Variants in MESP1 observed in about 807,000 individuals in gnomAD.
MESP1 encodes mesoderm posterior protein 1.
A neutral mutation model predicts 15.2 loss-of-function variants in MESP1; 22 were observed. The ratio of observed to expected loss-of-function variants is 1.45; its 90% CI spans 1.04 to 2.07. The LOEUF (loss-of-function observed/expected upper bound fraction) is 2.07, where lower values mean the gene tolerates loss of function less well. Among genes scored for constraint, MESP1 ranks in the 30% most tolerant of loss-of-function variants. The pLI is 0.00. For missense variants in MESP1, 484 were observed against 411.9 expected, an observed-to-expected ratio of 1.17 and a Z score of -1.51; for synonymous variants, 216 against 192.6, an observed-to-expected ratio of 1.12 and a Z score of -1.01.
At chr15:89,734,037 G>C in the MESP1 span, among the ~76,000 whole-genome samples, 1 of 152,070 alleles carries the variant, frequency 6.6e-6, no homozygotes, top group Non-Finnish European at 1.5e-5. Context: ...GTGTACGTGT[G>C]TGTGTGTAAT....
At chr15:89,743,751 C>G in the MESP1 span, 1 of 238,380 alleles carries the variant, frequency 4.2e-6, no homozygotes, top group South Asian at 6.6e-5. Context: ...CACTCACCTC[C>G]TAGGCCCTGG....
At chr15:89,735,248 C>G in the MESP1 span, among the ~76,000 whole-genome samples, 1 of 152,180 alleles carries the variant, frequency 6.6e-6, no homozygotes, top group African/African-American at 2.4e-5. Flanking sequence ...CATGTTGATG[C>G]ATGTAGCTCC....
Position 89,750,607 on chromosome 15 carries a change from C to A in MESP1, c.625G>T (p.Gly209Ter). The change falls in exon 1 of 2, where the codon GGA (glycine) becomes TGA (stop). Residue 209 changes from glycine (G) to a stop codon, truncating the protein, a stop_gained. Transcript: ENST00000300057. LOFTEE classifies it high-confidence loss of function. ...ASWGSPPACP[G>*]ARAAPEPRDP... is the part of the protein sequence containing the mutation. ...CGCGGCTCGGGTGCAGCTCGGGCTC[C>A]GGGGCAGGCAGGCGGGGATCCCCAG... 5 of 1,395,656 alleles carry A rather than the reference C, an allele frequency of 3.6e-6. No homozygotes were observed. Among genetic ancestry groups the A allele is most frequent in the Non-Finnish European group, 4.6e-6 (5 of 1,083,624 alleles). 86.5% of individuals were successfully genotyped at this position (1,395,656 alleles called of 1,614,324 possible). A position where few individuals can be genotyped will look rare whatever the true frequency, so the allele number is the denominator to read the frequency against.
downstream of MESP1, among the ~76,000 whole-genome samples, chr15:89,748,382 C>T (rs1968014697): frequency 6.6e-6 from 1 of 152,142 alleles, no homozygotes; most frequent in Non-Finnish European, 1.5e-5. Flanking sequence ...CCGGGTGTGC[C>T]CTGCCTGGCC....
At position 89,750,727 on chromosome 15, in the gene MESP1, C is replaced by T. The variant is rs769270182; in HGVS notation, c.505G>A (p.Asp169Asn). 2.1e-6 allele frequency: 3 copies of T among 1,411,044 alleles called. No homozygotes were observed. In the East Asian group the frequency reaches 8.7e-5, roughly 41 times the overall value. 87.4% of individuals were successfully genotyped at this position (1,411,044 alleles called of 1,614,324 possible). Residue 169 changes from aspartate to asparagine, a missense_variant, in exon 1 of 2, where the codon GAC (aspartate) becomes AAC (asparagine). Transcript: ENST00000300057. ...SPRGCPLCPDDCPAQMQTRTQ... is the reference protein window; with the variant it reads ...SPRGCPLCPDNCPAQMQTRTQ... Reference sequence around the variant, plus strand: ...CGTGTCTGCATCTGCGCGGGGCAGTCGTCGGGGCACAGCGGGCAGCCCCGA... The same window carrying T: ...CGTGTCTGCATCTGCGCGGGGCAGTTGTCGGGGCACAGCGGGCAGCCCCGA...
chr15:89,751,065 G>GCTGGGCTCGGCA lies in MESP1; in HGVS notation c.166_167insTGCCGAGCCCAG (p.Pro55_Ala56insValProSerPro). On this transcript the variant is annotated inframe_insertion, in exon 1 of 2. Transcript: ENST00000300057. ...GGGGTCCCGGAGGGTGCCTGGCCGC[G>GCTGGGCTCGGCA]CGGGGCTCGCCACGGGGCTGTCGGC... is the stretch of plus-strand genomic sequence containing the variant. The GCTGGGCTCGGCA allele has an allele frequency of 8.1e-7, 1 of 1,239,370 alleles. No individual in the cohort carries two copies. The highest frequency in any genetic ancestry group is 1.0e-6 in the Non-Finnish European group (1 of 998,294). 76.8% of individuals were successfully genotyped at this position (1,239,370 alleles called of 1,614,324 possible). A position where few individuals can be genotyped will look rare whatever the true frequency, so the allele number is the denominator to read the frequency against.
Position 89,751,073 on chromosome 15 carries a change from C to T in MESP1, c.159G>A (p.Ala53=), listed in dbSNP as rs1395016209. Reference sequence around the variant, plus strand: ...GGAGGGTGCCTGGCCGCGCGGGGCTCGCCACGGGGCTGTCGGCTGGGGTGC... The same window carrying T: ...GGAGGGTGCCTGGCCGCGCGGGGCTTGCCACGGGGCTGTCGGCTGGGGTGC... The part of the protein sequence containing the change: ...WGSTPADSPV[A]SPARPGTLRD... Residue 53 remains alanine (A), a synonymous_variant, in exon 1 of 2, where the codon GCG becomes GCA. Coordinates refer to ENST00000300057, the MANE Select transcript of MESP1 (RefSeq NM_018670.4). 7.6e-6 allele frequency: 10 copies of T among 1,319,236 alleles called. No homozygotes were observed. The highest frequency in any genetic ancestry group is 8.7e-6 in the Non-Finnish European group (9 of 1,039,386). The allele number at this position is 1,319,236 out of a possible 1,614,324, so 81.7% of individuals were successfully genotyped here. A position where few individuals can be genotyped will look rare whatever the true frequency, so the allele number is the denominator to read the frequency against.
the MESP1 span, among the ~76,000 whole-genome samples, chr15:89,744,552 A>G: frequency 6.6e-6 from 1 of 152,226 alleles, no homozygotes; most frequent in African/African-American, 2.4e-5. Context: ...TTAAGCTTTA[A>G]GCAACCTTGT....
At chr15:89,738,276 G>T in the MESP1 span, 2 of 1,535,254 alleles carry the variant, frequency 1.3e-6, no homozygotes, top group Non-Finnish European at 8.8e-7. Context: ...CACATCTGAG[G>T]TTGTCTCTGG....
chr15:89,750,743 G>A lies in MESP1; in HGVS notation c.489C>T (p.Cys163=), dbSNP rs1212583284. Residue 163 remains cysteine (C), a synonymous_variant, in exon 1 of 2, where the codon TGC becomes TGT. Transcript: ENST00000300057. ...CGGGGCAGTCGTCGGGGCACAGCGGGCAGCCCCGAGGGGACCCCGCGTCAC... is the reference window on the plus strand; with the variant it reads ...CGGGGCAGTCGTCGGGGCACAGCGGACAGCCCCGAGGGGACCCCGCGTCAC... The part of the protein sequence containing the change: ...QRGDAGSPRG[C]PLCPDDCPAQ... The A allele has an allele frequency of 1.4e-6, 2 of 1,444,944 alleles. No homozygotes were observed. Among genetic ancestry groups the A allele is most frequent in the Admixed American group, 2.6e-5 (1 of 38,676 alleles). The allele number at this position is 1,444,944 out of a possible 1,614,324, so 89.5% of individuals were successfully genotyped here.
At chr15:89,746,804 CACA>C (rs1967969597), downstream of MESP1, among the ~76,000 whole-genome samples, 1 of 148,934 alleles carries the variant, frequency 6.7e-6, no homozygotes, top group Non-Finnish European at 1.5e-5. Flanking sequence ...CACACACACA[CACA>C]GCCCCACCTC....
the MESP1 span, chr15:89,733,092 C>T: frequency 6.2e-7 from 1 of 1,614,204 alleles, no homozygotes; most frequent in Non-Finnish European, 8.5e-7. Flanking sequence ...CCACAAAGGA[C>T]AGAATATGTA....
At chr15:89,737,978 GA>G in the MESP1 span, 5 of 1,522,890 alleles carry the variant, frequency 3.3e-6, no homozygotes, top group Non-Finnish European at 3.5e-6. Flanking sequence ...TGCTCACCTG[GA>G]CCACAGAGCC....
downstream of MESP1, among the ~76,000 whole-genome samples, chr15:89,745,700 C>T (rs1434304027): frequency 6.6e-6 from 1 of 151,998 alleles, no homozygotes; most frequent in Non-Finnish European, 1.5e-5. The surrounding 1 kb of genome is among the most constrained non-coding windows in gnomAD (Gnocchi z 4.8). Flanking sequence ...GAAGACGGAG[C>T]TTGCAGTGAG....
chr15:89,750,448 C>G, intron 1 of MESP1, 61 bp downstream of exon 1: 1 of 1,436,828 alleles, frequency 7.0e-7, no homozygotes, highest in South Asian at 1.4e-5. Context: ...CTCACCTTGG[C>G]GGGCGGTGGG....
the MESP1 span, chr15:89,743,305 G>A: frequency 6.2e-7 from 1 of 1,614,202 alleles, no homozygotes; most frequent in Admixed American, 1.7e-5. Context: ...TCGGAAGCTG[G>A]AGAAGAACCC....
At chr15:89,750,426 G>A (rs570214412) in intron 1 of MESP1, 83 bp downstream of exon 1, 183 of 1,462,116 alleles carry the variant, frequency 1.3e-4, no homozygotes, top group Admixed American at 2.9e-4. Flanking sequence ...GGGAGCAGCA[G>A]GGTGCCTGGT....
the MESP1 span, chr15:89,743,310 G>T: frequency 6.2e-7 from 1 of 1,614,216 alleles, no homozygotes; most frequent in Admixed American, 1.7e-5. Context: ...AGCTGGAGAA[G>T]AACCCAGAGA....
chr15:89,733,782 G>T, the MESP1 span, among the ~76,000 whole-genome samples: 1 of 152,090 alleles, frequency 6.6e-6, no homozygotes, highest in African/African-American at 2.4e-5. Context: ...CTCCAGAACT[G>T]TAAGAAATAA....
Sources: allele counts gnomAD v4.1 joint callset (sites outside exome capture counted in the v4.1 genomes callset), GRCh38; gene constraint gnomAD v4.1.1; non-coding constraint Gnocchi (gnomAD v3.1); transcripts MANE v1.5; gene names NCBI Gene and HGNC (gene_info 2026-07-23, HGNC 2026-07-21).